The following BIRC6 variants were observed in gnomAD, a reference collection of about 807,000 sequenced individuals.
The protein encoded by BIRC6 is baculoviral IAP repeat containing 6.
Under a neutral mutation model 503.3 loss-of-function variants are expected in BIRC6, and 98 were observed. The observed-to-expected ratio is 0.19, with a 90% CI of 0.17 to 0.23. The LOEUF (loss-of-function observed/expected upper bound fraction) is 0.23, where lower values mean the gene tolerates loss of function less well. Among genes scored for constraint, BIRC6 ranks in the 10% least tolerant of loss-of-function variants. BIRC6 has a pLI of 1.00. For missense variants in BIRC6, 5,360 were observed against 5,806.0 expected (o/e 0.92, Z 2.50); for synonymous variants, 2,240 against 2,078.7 (o/e 1.08, Z -2.11).
At chr2:32,545,337 C>T (rs1447974279) in intron 62 of BIRC6, among the ~76,000 whole-genome samples, 12 of 152,076 alleles carry the variant, frequency 7.9e-5, no homozygotes, top group Non-Finnish European at 1.6e-4. Flanking sequence ...TGCTTCTTTT[C>T]TATTGTTCAG....
At chr2:32,439,179 GTGTGTGTGTGCGTGTGTA>G (rs1371870060) in intron 15 of BIRC6, among the ~76,000 whole-genome samples, 2 of 151,708 alleles carry the variant, frequency 1.3e-5, no homozygotes, top group Admixed American at 6.6e-5. Flanking sequence ...ACAGTTTTGT[GTGTGTGTGTGCGTGTGTA>G]TGTGTGTGTG....
At chr2:32,495,049 C>G (rs1489355216) in intron 45 of BIRC6, among the ~76,000 whole-genome samples, 1 of 152,070 alleles carries the variant, frequency 6.6e-6, no homozygotes, top group African/African-American at 2.4e-5. Context: ...ATTAAAATCC[C>G]GTGAGGAATA....
intron 56 of BIRC6, 133 bp from the exon 57 acceptor site, chr2:32,518,684 A>G: frequency 2.7e-6 from 3 of 1,115,656 alleles, no homozygotes; most frequent in East Asian, 5.2e-5. Flanking sequence ...CATGGCAACT[A>G]TGCCATATCT....
intron 19 of BIRC6, among the ~76,000 whole-genome samples, chr2:32,443,189 T>C (rs779532300): frequency 2.6e-5 from 4 of 152,190 alleles, no homozygotes; most frequent in Non-Finnish European, 4.4e-5. Context: ...TGAAACTGCA[T>C]ATACGGGTTC....
intron 65 of BIRC6, among the ~76,000 whole-genome samples, chr2:32,562,071 G>T (rs2059232251): frequency 6.6e-6 from 1 of 152,034 alleles, no homozygotes; most frequent in African/African-American, 2.4e-5. Flanking sequence ...ATTATTTCTA[G>T]ATTTTAACAA....
At chr2:32,403,789 T>C (rs560894151) in intron 8 of BIRC6, among the ~76,000 whole-genome samples, 2 of 152,260 alleles carry the variant, frequency 1.3e-5, no homozygotes, top group African/African-American at 2.4e-5. Context: ...GTGCCTATTA[T>C]ATAAATAGTG....
intron 1 of BIRC6, among the ~76,000 whole-genome samples, chr2:32,366,212 G>C (rs778694828): frequency 2.6e-5 from 4 of 152,194 alleles, no homozygotes; most frequent in Non-Finnish European, 5.9e-5. Context: ...ATGTATGTGA[G>C]AAAGAATACA....
chr2:32,452,249 C>T (rs1045314782), intron 22 of BIRC6, among the ~76,000 whole-genome samples: 1 of 152,148 alleles, frequency 6.6e-6, no homozygotes, highest in Non-Finnish European at 1.5e-5. Flanking sequence ...TCTGATACTT[C>T]ACATTTTAAA....
intron 68 of BIRC6, among the ~76,000 whole-genome samples, chr2:32,595,576 T>C (rs533190324): frequency 1.3e-5 from 2 of 152,208 alleles, no homozygotes; most frequent in African/African-American, 4.8e-5. Flanking sequence ...ATTCCAAAAC[T>C]CTTGACAAGT....
chr2:32,392,519 G>A (rs796415635), intron 5 of BIRC6, among the ~76,000 whole-genome samples: 2 of 152,328 alleles, frequency 1.3e-5, no homozygotes, highest in South Asian at 4.1e-4. Flanking sequence ...GCCTCCCAAA[G>A]TGCTGGGATT....
chr2:32,579,060 A>G (rs1458093405), intron 66 of BIRC6, among the ~76,000 whole-genome samples: 2 of 142,202 alleles, frequency 1.4e-5, no homozygotes, highest in Admixed American at 7.2e-5. Flanking sequence ...ATATATATGT[A>G]TACCTAATAT....
intron 64 of BIRC6, among the ~76,000 whole-genome samples, chr2:32,548,505 G>C (rs1445224140): frequency 6.6e-6 from 1 of 151,706 alleles, no homozygotes; most frequent in East Asian, 1.9e-4. Context: ...TTTTCAGCCG[G>C]GCGTGGTGGC....
intron 9 of BIRC6, among the ~76,000 whole-genome samples, chr2:32,407,333 TACTC>T (rs1390952104): frequency 6.6e-6 from 1 of 151,384 alleles, no homozygotes; most frequent in East Asian, 2.0e-4. Context: ...CTATCCCAGT[TACTC>T]AGGAGGCTGA....
intron 12 of BIRC6, among the ~76,000 whole-genome samples, chr2:32,432,141 CA>C (rs2044193406): frequency 3.3e-5 from 5 of 152,084 alleles, no homozygotes; most frequent in Admixed American, 3.3e-4. Flanking sequence ...GGGTGCCAGG[CA>C]TGGTCGCTCA....
chr2:32,440,596 G>A (rs546690502), intron 16 of BIRC6, among the ~76,000 whole-genome samples: 1 of 152,092 alleles, frequency 6.6e-6, no homozygotes, highest in East Asian at 1.9e-4. Flanking sequence ...AAGGACTTCT[G>A]TGTACTTTAT....
chr2:32,531,213 A>G, intron 60 of BIRC6, 142 bp from the exon 61 acceptor site: 1 of 669,068 alleles, frequency 1.5e-6, no homozygotes, highest in South Asian at 2.2e-5. Context: ...TCTAGCCATA[A>G]TACAGCTATA....
chr2:32,588,843 TTC>T (rs1213652887), intron 66 of BIRC6, among the ~76,000 whole-genome samples: 1 of 152,226 alleles, frequency 6.6e-6, no homozygotes, highest in African/African-American at 2.4e-5. Context: ...TGAAAATTCA[TTC>T]TGTTACCCAC....
intron 65 of BIRC6, among the ~76,000 whole-genome samples, chr2:32,562,873 C>T (rs2059290969): frequency 6.6e-6 from 1 of 151,962 alleles, no homozygotes; most frequent in Non-Finnish European, 1.5e-5. Flanking sequence ...CTTTTTTTGG[C>T]ATTTATGAAT....
intron 66 of BIRC6, among the ~76,000 whole-genome samples, chr2:32,591,900 T>C (rs900206895): frequency 1.3e-5 from 2 of 152,196 alleles, no homozygotes; most frequent in Admixed American, 1.3e-4. Flanking sequence ...TGCACTTCTC[T>C]TCATTCTCAG....
Sources: allele counts gnomAD v4.1 joint callset (sites outside exome capture counted in the v4.1 genomes callset), GRCh38; gene constraint gnomAD v4.1.1; transcripts MANE v1.5; gene names NCBI Gene and HGNC (gene_info 2026-07-23, HGNC 2026-07-21).